The following DNER variants were observed in gnomAD, a reference collection of about 807,000 sequenced individuals.
DNER encodes the protein delta/notch like EGF repeat containing.
Under a neutral mutation model 78.2 loss-of-function variants are expected in DNER, and 33 were observed. The observed-to-expected ratio is 0.42, with a 90% CI of 0.32 to 0.56. The LOEUF (loss-of-function observed/expected upper bound fraction) is 0.56. Ranked by LOEUF, DNER falls within the 20% of genes least tolerant of loss-of-function variation. DNER has a pLI of 0.11. For synonymous variants in DNER, 417 were observed against 384.8 expected (o/e 1.08, Z -0.98); for missense variants, 918 against 975.3 (o/e 0.94, Z 0.78).
chr2:229,681,827 A>ACACAC (rs1699391219), intron 1 of DNER, among the ~76,000 whole-genome samples: 2 of 144,350 alleles, frequency 1.4e-5, no homozygotes, highest in African/African-American at 2.7e-5. Context: ...CTCTGCCTAA[A>ACACAC]ACACACACAC....
chr2:229,488,289 A>T (rs1695320160), intron 6 of DNER, among the ~76,000 whole-genome samples: 1 of 152,188 alleles, frequency 6.6e-6, no homozygotes, highest in Non-Finnish European at 1.5e-5. Flanking sequence ...ATTCTGTGCC[A>T]GTGTGTGTGG....
intron 5 of DNER, among the ~76,000 whole-genome samples, chr2:229,516,596 G>A (rs1376057098): frequency 6.6e-6 from 1 of 152,036 alleles, no homozygotes; most frequent in Non-Finnish European, 1.5e-5. Context: ...TTCCTCAACA[G>A]CTTGAAGTCA....
intron 8 of DNER, among the ~76,000 whole-genome samples, chr2:229,423,431 A>G (rs1010746212): frequency 6.6e-6 from 1 of 152,066 alleles, no homozygotes; most frequent in African/African-American, 2.4e-5. Context: ...CCTGATCAAC[A>G]TGGTGAAACC....
At chr2:229,539,688 T>G (rs1696475895) in intron 5 of DNER, among the ~76,000 whole-genome samples, 2 of 152,162 alleles carry the variant, frequency 1.3e-5, no homozygotes, top group Admixed American at 1.3e-4. Context: ...GAGCATCCCA[T>G]TTGGAAAGCA....
At chr2:229,418,765 C>CAA (rs200372987) in intron 8 of DNER, among the ~76,000 whole-genome samples, 8 of 151,888 alleles carry the variant, frequency 5.3e-5, no homozygotes, top group African/African-American at 9.7e-5. Flanking sequence ...ACTAAAAATA[C>CAA]AAAAAATTAG....
chr2:229,569,879 G>A (rs112535368), intron 4 of DNER, among the ~76,000 whole-genome samples: 3 of 152,178 alleles, frequency 2.0e-5, no homozygotes, highest in East Asian at 1.9e-4. Context: ...GTGTGAGCAC[G>A]TGCATCAATG....
chr2:229,682,869 T>C (rs947880132), intron 1 of DNER, among the ~76,000 whole-genome samples: 1 of 151,552 alleles, frequency 6.6e-6, no homozygotes, highest in Non-Finnish European at 1.5e-5. Context: ...AAAGAAAAGA[T>C]AAAGGAATGA....
rs1692126877 is a variant in DNER at position 229,357,994 on chromosome 2, A to G, written c.*546T>C. ...CGAAAGAATGTTTCCACAAAGTTCA[A>G]CAAAACAGTGCAGAAATAAGTTACT... On this transcript the variant is annotated 3_prime_UTR_variant, in exon 13 of 13. Coordinates refer to ENST00000341772, the MANE Select transcript of DNER (RefSeq NM_139072.4). 6.6e-6 allele frequency: 1 copy of G among 152,668 alleles called. No individual in the cohort carries two copies. The highest frequency in any genetic ancestry group is 1.9e-4 in the East Asian group (1 of 5,202). 9.5% of individuals were successfully genotyped at this position (152,668 alleles called of 1,614,324 possible).
At chr2:229,502,733 G>A (rs1695647436) in intron 6 of DNER, among the ~76,000 whole-genome samples, 1 of 152,154 alleles carries the variant, frequency 6.6e-6, no homozygotes, top group African/African-American at 2.4e-5. Context: ...TCCAACAATG[G>A]GTAGAGATAT....
At chr2:229,456,765 T>A (rs181389265) in intron 7 of DNER, among the ~76,000 whole-genome samples, 1 of 152,214 alleles carries the variant, frequency 6.6e-6, no homozygotes, top group Admixed American at 6.5e-5. Flanking sequence ...ACCACACAGA[T>A]GATGACCGAG....
chr2:229,561,779 T>C (rs2154213621), intron 4 of DNER, among the ~76,000 whole-genome samples: 1 of 152,322 alleles, frequency 6.6e-6, no homozygotes, highest in East Asian at 1.9e-4. Context: ...CGGGAATAAC[T>C]GCTAATTGCC....
chr2:229,645,520 T>C lies in DNER; in HGVS notation c.277-53632A>G, dbSNP rs867654997. Among the ~76,000 whole-genome samples the C allele has an allele frequency of 9.2e-5, 14 of 152,336 alleles. No individual in the cohort carries two copies. The South Asian group carries it at 1.7e-3, about 18-fold the overall frequency. On this transcript the variant is annotated intron_variant, in intron 1 of 12. Transcript: ENST00000341772. Reference sequence around the variant, plus strand: ...TGCCCAAACTGAGTTGCACGTTCTTTTAGCTACTGCAAATATGTTCACCAA... The same window carrying C: ...TGCCCAAACTGAGTTGCACGTTCTTCTAGCTACTGCAAATATGTTCACCAA...
intron 8 of DNER, among the ~76,000 whole-genome samples, chr2:229,428,557 G>C (rs1235131021): frequency 2.0e-5 from 3 of 151,934 alleles, no homozygotes; most frequent in Non-Finnish European, 4.4e-5. Flanking sequence ...AAGCTCATTA[G>C]AAGGAAGGGG....
At chr2:229,477,334 A>C (rs1483878972) in intron 6 of DNER, 81 bp from the exon 7 acceptor site, 18 of 970,836 alleles carry the variant, frequency 1.9e-5, no homozygotes, top group Non-Finnish European at 2.5e-5. Context: ...GATGGATTCA[A>C]CTGGTACCTG....
At chr2:229,384,448 T>G (rs533289520) in intron 11 of DNER, among the ~76,000 whole-genome samples, 1 of 152,096 alleles carries the variant, frequency 6.6e-6, no homozygotes, top group Admixed American at 6.6e-5. Context: ...AGAAAAACCC[T>G]TCAAAAAATC....
At chr2:229,441,826 C>T (rs574441372) in intron 8 of DNER, among the ~76,000 whole-genome samples, 12 of 152,178 alleles carry the variant, frequency 7.9e-5, no homozygotes, top group African/African-American at 1.7e-4. Context: ...CAGAAGACAT[C>T]ATGGCCCAGC....
chr2:229,623,103 T>C (rs1320465049), intron 1 of DNER, among the ~76,000 whole-genome samples: 1 of 152,172 alleles, frequency 6.6e-6, no homozygotes, highest in African/African-American at 2.4e-5. Flanking sequence ...AGTTCCTTTC[T>C]GCCTGACCTT....
At chr2:229,546,532 T>C (rs550501524) in intron 5 of DNER, among the ~76,000 whole-genome samples, 1 of 152,268 alleles carries the variant, frequency 6.6e-6, no homozygotes, top group African/African-American at 2.4e-5. Context: ...GGCCAGGAGT[T>C]CCAGACCAGC....
chr2:229,455,240 T>C (rs1383696260), intron 7 of DNER, among the ~76,000 whole-genome samples: 2 of 152,100 alleles, frequency 1.3e-5, no homozygotes, highest in Non-Finnish European at 2.9e-5. Flanking sequence ...ATTCAAAGAA[T>C]GCAGAGCCAG....
Sources: gnomAD v4.1 joint callset for allele counts (sites outside exome capture counted in the v4.1 genomes callset) on GRCh38, gnomAD v4.1.1 for gene constraint, MANE v1.5 for transcripts, NCBI Gene and HGNC (gene_info 2026-07-23, HGNC 2026-07-21) for gene names.